PCLO: variants seen among roughly 807,000 people sequenced by gnomAD.
PCLO encodes the protein piccolo presynaptic cytomatrix protein.
PCLO carries 82 observed loss-of-function variants against 427.5 expected under a neutral mutation model. That is an observed-to-expected ratio of 0.19 (90% CI 0.16 to 0.23). PCLO has a LOEUF of 0.23. Ranked by LOEUF, PCLO falls within the 10% of genes least tolerant of loss-of-function variation. The probability of loss-of-function intolerance (pLI) is 1.00; values close to 1 mark genes in which losing one functional copy is unlikely to be tolerated. For missense variants in PCLO, 6,239 were observed against 6,115.9 expected (o/e 1.02, Z -0.67); for synonymous variants, 2,357 against 2,155.4 (o/e 1.09, Z -2.59).
intron 20 of PCLO, among the ~76,000 whole-genome samples, chr7:82,817,148 A>G (rs1791693571): frequency 6.6e-6 from 1 of 152,186 alleles, no homozygotes; most frequent in Non-Finnish European, 1.5e-5. Flanking sequence ...GAAAGCTGAA[A>G]TTGTCCAAAT....
chr7:83,052,134 T>A (rs567173439), intron 3 of PCLO, among the ~76,000 whole-genome samples: 12 of 152,090 alleles, frequency 7.9e-5, no homozygotes, highest in African/African-American at 2.9e-4. Flanking sequence ...GAGATGATAT[T>A]TTAAATATAA....
At chr7:83,037,739 A>G (rs947105840) in intron 3 of PCLO, among the ~76,000 whole-genome samples, 1 of 151,068 alleles carries the variant, frequency 6.6e-6, no homozygotes, top group African/African-American at 2.4e-5. Context: ...GAAAAACTCA[A>G]AATTGAGTGG....
chr7:82,800,746 C>T (rs1421233889), intron 22 of PCLO, among the ~76,000 whole-genome samples: 3 of 152,018 alleles, frequency 2.0e-5, no homozygotes, highest in Admixed American at 1.3e-4. Context: ...CAGGTGCGTG[C>T]CACCACGACT....
At chr7:82,925,910 G>A (rs1794702345) in intron 6 of PCLO, among the ~76,000 whole-genome samples, 1 of 151,154 alleles carries the variant, frequency 6.6e-6, no homozygotes. Context: ...GTAGAGACGG[G>A]GTCCCACTAT....
chr7:83,033,038 G>T (rs1307109155), intron 3 of PCLO, among the ~76,000 whole-genome samples: 1 of 151,978 alleles, frequency 6.6e-6, no homozygotes, highest in Non-Finnish European at 1.5e-5. Flanking sequence ...TAAGTGTTTG[G>T]CATTTTCGCC....
chr7:82,755,190 A>C lies in PCLO; in HGVS notation c.*3385T>G. 6.6e-6 allele frequency: 1 copy of C among 152,144 alleles called. No homozygotes were observed. Among genetic ancestry groups the C allele is most frequent in the East Asian group, 1.9e-4 (1 of 5,194 alleles). The allele number at this position is 152,144 out of a possible 1,614,324, so 9.4% of individuals were successfully genotyped here. On this transcript the variant is annotated 3_prime_UTR_variant, in exon 25 of 25. Coordinates refer to ENST00000333891, the MANE Select transcript of PCLO (RefSeq NM_033026.6). ...CCAGCTATAATATTCCCACAATATG[A>C]CTATTTAAATGTGTGTGATCCACAA...
At chr7:83,149,464 T>C (rs940275877) in intron 2 of PCLO, among the ~76,000 whole-genome samples, 1 of 152,200 alleles carries the variant, frequency 6.6e-6, no homozygotes, top group Non-Finnish European at 1.5e-5. Flanking sequence ...GACTTGAAGA[T>C]AGAGGAGATG....
In PCLO at chr7:82,842,192, A is replaced by G. The variant is rs574976986; in HGVS notation, c.14047-683T>C. On this transcript the variant is annotated intron_variant, in intron 13 of 24. Coordinates refer to ENST00000333891, the MANE Select transcript of PCLO (RefSeq NM_033026.6). The stretch of plus-strand genomic sequence containing the variant: ...AGCATGGTATGGCTTAAAAGCAGAC[A>G]GACATATGGAATGGAACACAATAGA... Among the ~76,000 whole-genome samples, 3 of 152,234 alleles carry G rather than the reference A, an allele frequency of 2.0e-5. No homozygotes were observed. The South Asian group carries it at 6.2e-4, about 32-fold the overall frequency.
At chr7:82,987,969 C>T (rs999230410) in intron 3 of PCLO, among the ~76,000 whole-genome samples, 16 of 151,930 alleles carry the variant, frequency 1.1e-4, no homozygotes, top group Admixed American at 5.3e-4. Flanking sequence ...AACATGGAGA[C>T]AGCATATTAT....
At chr7:82,906,635 T>C (rs138164543) in intron 8 of PCLO, among the ~76,000 whole-genome samples, 1 of 152,142 alleles carries the variant, frequency 6.6e-6, no homozygotes, top group African/African-American at 2.4e-5. Flanking sequence ...ATTTGTTACT[T>C]ATTTGGGCAA....
At chr7:83,029,229 C>G (rs955777370) in intron 3 of PCLO, among the ~76,000 whole-genome samples, 1 of 145,126 alleles carries the variant, frequency 6.9e-6, no homozygotes, top group Non-Finnish European at 1.5e-5. Context: ...GGCTAATATC[C>G]AGAATCTACA....
In PCLO at chr7:83,155,072, C is replaced by G; in HGVS notation, c.1569G>C (p.Gln523His). ...QPGPAKPSPQ[Q>H]PGSTKPPSQQ... ...GAGATGGGGGTTTTGTTGAGCCAGG[C>G]TGTTGAGGTGAGGGCTTTGCTGGGC... Residue 523 changes from glutamine to histidine, a missense_variant, in exon 2 of 25, where the codon CAG (glutamine) becomes CAC (histidine). Gln to His is a conservative substitution (Grantham distance 24, BLOSUM62 0). This residue lies in a region of PCLO where 4,677 missense variants were observed against 4,468.4 expected (regional missense o/e 1.05). Coordinates refer to ENST00000333891, the MANE Select transcript of PCLO (RefSeq NM_033026.6). The G allele has an allele frequency of 6.2e-7, 1 of 1,606,088 alleles. No individual in the cohort carries two copies. The highest frequency in any genetic ancestry group is 8.5e-7 in the Non-Finnish European group (1 of 1,178,074).
chr7:83,093,492 A>ATTTTTTTTTTTTTTT (rs1169852004), intron 3 of PCLO, among the ~76,000 whole-genome samples: 18 of 59,294 alleles, frequency 3.0e-4, no homozygotes, highest in East Asian at 1.1e-3. Context: ...ATATATATAT[A>ATTTTTTTTTTTTTTT]TTTTTTTTTT....
At position 82,754,399 on chromosome 7, in the gene PCLO, G is replaced by T. The variant is rs1184608361; in HGVS notation, c.*4176C>A. 6.6e-6 allele frequency: 1 copy of T among 152,034 alleles called. No individual in the cohort carries two copies. Among genetic ancestry groups the T allele is most frequent in the Non-Finnish European group, 1.5e-5 (1 of 67,940 alleles). 9.4% of individuals were successfully genotyped at this position (152,034 alleles called of 1,614,324 possible). A position where few individuals can be genotyped will look rare whatever the true frequency, so the allele number is the denominator to read the frequency against. The stretch of plus-strand genomic sequence containing the variant: ...TTAAGATGTTTATGTTTTCAGACAA[G>T]AAAATTTTTTCTTAAACCTCATATG... On this transcript the variant is annotated 3_prime_UTR_variant, in exon 25 of 25. Coordinates refer to ENST00000333891, the MANE Select transcript of PCLO (RefSeq NM_033026.6).
At chr7:83,056,106 A>C (rs1391386425) in intron 3 of PCLO, among the ~76,000 whole-genome samples, 1 of 152,198 alleles carries the variant, frequency 6.6e-6, no homozygotes, top group Non-Finnish European at 1.5e-5. Context: ...CCTCTAAATC[A>C]GAATCATTTA....
intron 9 of PCLO, among the ~76,000 whole-genome samples, chr7:82,893,060 A>T (rs1178750584): frequency 3.3e-5 from 5 of 152,182 alleles, no homozygotes; most frequent in Non-Finnish European, 1.5e-5. Flanking sequence ...TGACCCAGCC[A>T]TCCCATTACT....
chr7:82,844,282 T>C (rs984692654), intron 13 of PCLO, among the ~76,000 whole-genome samples: 3 of 152,136 alleles, frequency 2.0e-5, no homozygotes, highest in Non-Finnish European at 4.4e-5. Context: ...TGTGGTAAAA[T>C]GTAGTTGTGT....
At chr7:83,030,894 G>A (rs890146427) in intron 3 of PCLO, among the ~76,000 whole-genome samples, 9 of 152,002 alleles carry the variant, frequency 5.9e-5, no homozygotes, top group South Asian at 2.1e-4. Context: ...CTTTTTTATC[G>A]TAAAACTTTT....
intron 3 of PCLO, among the ~76,000 whole-genome samples, chr7:83,126,468 A>C (rs1392097797): frequency 6.6e-6 from 1 of 152,148 alleles, no homozygotes; most frequent in Non-Finnish European, 1.5e-5. Context: ...TTGTATGCCT[A>C]TATCAAAATA....
Sources: allele counts gnomAD v4.1 joint callset (sites outside exome capture counted in the v4.1 genomes callset), GRCh38; gene constraint gnomAD v4.1.1; regional missense constraint gnomAD v4.1.1; transcripts MANE v1.5; gene names NCBI Gene and HGNC (gene_info 2026-07-23, HGNC 2026-07-21).